Variants in RASAL2 observed in about 807,000 individuals in gnomAD.
RASAL2 encodes RAS protein activator like 2.
In RASAL2, 58 loss-of-function variants were observed where a neutral mutation model predicts 128.9. The ratio of observed to expected loss-of-function variants is 0.45; its 90% confidence interval spans 0.36 to 0.56. RASAL2 has a LOEUF of 0.56. RASAL2 is among the 20% of genes least tolerant of loss of function. The pLI is 0.00. For missense variants in RASAL2, 1,360 were observed against 1,601.6 expected (o/e 0.85, Z 2.57); for synonymous variants, 561 against 580.8 (o/e 0.97, Z 0.49).
At chr1:178,138,504 CAG>C (rs1660410472) in intron 1 of RASAL2, among the ~76,000 whole-genome samples, 1 of 152,162 alleles carries the variant, frequency 6.6e-6, no homozygotes, top group Admixed American at 6.5e-5. Context: ...CTCTTCATAA[CAG>C]AGAGATTATA....
intron 3 of RASAL2, among the ~76,000 whole-genome samples, chr1:178,350,018 T>TA (rs568532689): frequency 2.6e-4 from 40 of 152,372 alleles, no homozygotes; most frequent in African/African-American, 5.8e-4. Flanking sequence ...TTCTTCCTGT[T>TA]CTGAACCATT....
At chr1:178,126,384 G>T (rs770865294) in intron 1 of RASAL2, among the ~76,000 whole-genome samples, 1 of 152,134 alleles carries the variant, frequency 6.6e-6, no homozygotes, top group Non-Finnish European at 1.5e-5. Flanking sequence ...ATTTGCCTAG[G>T]TTGACTAGCA....
intron 1 of RASAL2, among the ~76,000 whole-genome samples, chr1:178,276,023 C>T (rs1666495456): frequency 1.3e-5 from 2 of 152,138 alleles, no homozygotes; most frequent in Non-Finnish European, 2.9e-5. Context: ...ATGAAGGCAA[C>T]CATTTCTGAC....
intron 1 of RASAL2, among the ~76,000 whole-genome samples, chr1:178,265,829 A>G (rs1051031615): frequency 6.6e-6 from 1 of 152,206 alleles, no homozygotes; most frequent in Non-Finnish European, 1.5e-5. Flanking sequence ...AATACTATAG[A>G]TTAGGTTTAC....
At chr1:178,121,015 A>C (rs2102274090) in intron 1 of RASAL2, 1 of 152,346 alleles carries the variant, frequency 6.6e-6, no homozygotes, top group South Asian at 2.1e-4. Context: ...CCCCTGTTTT[A>C]GAGAATCAGT....
chr1:178,444,480 G>C (rs1454263509), intron 8 of RASAL2, among the ~76,000 whole-genome samples: 1 of 152,150 alleles, frequency 6.6e-6, no homozygotes, highest in Non-Finnish European at 1.5e-5. Flanking sequence ...TAAAGTAAAA[G>C]TAAATCAGCA....
rs147150103 is a variant in RASAL2 at position 178,373,269 on chromosome 1, C to A, written c.458-16831C>A. 8.2e-4 allele frequency among the ~76,000 whole-genome samples: 17 copies of A among 20,658 alleles called. No homozygotes were observed. The South Asian group carries it at 0.024, about 29-fold the overall frequency. 13.6% of individuals were successfully genotyped at this position (20,658 alleles called of 152,430 possible). On this transcript the variant is annotated intron_variant, in intron 3 of 17. Transcript: ENST00000367649. ...TGTTGTCAATCTTAGCATTCTGTTT[C>A]TTTCCTTTTTTTTTTTTTTTGCAGT...
chr1:178,192,441 C>G (rs1315523481), intron 1 of RASAL2, among the ~76,000 whole-genome samples: 1 of 152,168 alleles, frequency 6.6e-6, no homozygotes, highest in Non-Finnish European at 1.5e-5. Context: ...TAAAAGTGTT[C>G]AAATACAGAA....
chr1:178,210,008 T>C (rs1354848593), intron 1 of RASAL2, among the ~76,000 whole-genome samples: 1 of 152,096 alleles, frequency 6.6e-6, no homozygotes, highest in Non-Finnish European at 1.5e-5. Context: ...CCATTCTTTC[T>C]CTCCTTTTCT....
intron 1 of RASAL2, among the ~76,000 whole-genome samples, chr1:178,280,399 A>G (rs1457378411): frequency 1.3e-5 from 2 of 152,078 alleles, no homozygotes; most frequent in South Asian, 4.1e-4. Context: ...TGTGTTACCT[A>G]TGTTAACATG....
At chr1:178,121,337 A>T (rs1003092941) in intron 1 of RASAL2, among the ~76,000 whole-genome samples, 5 of 152,204 alleles carry the variant, frequency 3.3e-5, no homozygotes, top group Admixed American at 3.3e-4. Flanking sequence ...TGTTCCTCAT[A>T]ACAACTTTGT....
intron 1 of RASAL2, among the ~76,000 whole-genome samples, chr1:178,130,290 TGACTTTG>T (rs1294511607): frequency 6.6e-6 from 1 of 152,210 alleles, no homozygotes; most frequent in Non-Finnish European, 1.5e-5. Context: ...GCAGGTCATA[TGACTTTG>T]GACTTTGGAG....
At chr1:178,158,802 T>C (rs895023797) in intron 1 of RASAL2, among the ~76,000 whole-genome samples, 2 of 152,200 alleles carry the variant, frequency 1.3e-5, no homozygotes, top group African/African-American at 4.8e-5. Flanking sequence ...TAAAATTTAT[T>C]TGATGCTTAC....
At chr1:178,207,725 C>T (rs1663105455) in intron 1 of RASAL2, among the ~76,000 whole-genome samples, 1 of 152,156 alleles carries the variant, frequency 6.6e-6, no homozygotes, top group Non-Finnish European at 1.5e-5. Context: ...AAACAGTCCT[C>T]TCCCCACCCC....
intron 1 of RASAL2, among the ~76,000 whole-genome samples, chr1:178,250,246 C>G (rs1011329751): frequency 2.0e-5 from 3 of 152,280 alleles, no homozygotes; most frequent in African/African-American, 7.2e-5. Context: ...CTTACTGGGG[C>G]TGCTGCCTTT....
At chr1:178,288,032 TA>T (rs2102229790) in intron 2 of RASAL2, among the ~76,000 whole-genome samples, 1 of 152,310 alleles carries the variant, frequency 6.6e-6, no homozygotes, top group Non-Finnish European at 1.5e-5. Context: ...TTATTGGGTT[TA>T]ACAGACATTA....
At chr1:178,425,605 AAGTGGAC>A (rs143271890) in intron 5 of RASAL2, among the ~76,000 whole-genome samples, 1,988 of 152,232 alleles carry the variant, frequency 0.013, 36 homozygotes, top group African/African-American at 0.042. Flanking sequence ...TTCTGTCTGA[AAGTGGAC>A]AGTCCTGTTC....
intron 1 of RASAL2, among the ~76,000 whole-genome samples, chr1:178,176,766 C>T (rs1238002114): frequency 6.6e-6 from 1 of 152,082 alleles, no homozygotes; most frequent in Non-Finnish European, 1.5e-5. Flanking sequence ...CCAGCTTAGC[C>T]TCCTGAGTAG....
At position 178,255,523 on chromosome 1, in the gene RASAL2, T is replaced by A. The variant is rs568869610; in HGVS notation, c.203-28041T>A. Among the ~76,000 whole-genome samples, 9 of 152,136 alleles carry A rather than the reference T, an allele frequency of 5.9e-5. No homozygotes were observed. In the South Asian group the frequency reaches 1.9e-3, roughly 32 times the overall value. On this transcript the variant is annotated intron_variant, in intron 1 of 17. Coordinates refer to ENST00000367649, the MANE Select transcript of RASAL2 (RefSeq NM_170692.4). ...TAGCAATGTATTAATATTATTGGGT[T>A]TATAATATTAATACATGTAATATCT...
Sources: allele counts gnomAD v4.1 joint callset (sites outside exome capture counted in the v4.1 genomes callset), GRCh38; gene constraint gnomAD v4.1.1; transcripts MANE v1.5; gene names NCBI Gene and HGNC (gene_info 2026-07-23, HGNC 2026-07-21).